SLMAP: variants seen among roughly 807,000 people sequenced by gnomAD.
SLMAP encodes sarcolemmal membrane-associated protein.
In SLMAP, 44 loss-of-function variants were observed where a neutral mutation model predicts 128.8. That is an observed-to-expected ratio of 0.34 (90% confidence interval 0.27 to 0.44). The LOEUF (loss-of-function observed/expected upper bound fraction) is 0.44. Among genes scored for constraint, SLMAP ranks in the 20% least tolerant of loss-of-function variants. SLMAP has a pLI of 1.00. For missense variants in SLMAP, 787 were observed against 985.3 expected (o/e 0.80, Z 2.69); for synonymous variants, 327 against 348.8 (o/e 0.94, Z 0.70).
chr3:57,830,419 G>A (rs2093261595), intron 2 of SLMAP, among the ~76,000 whole-genome samples: 1 of 152,212 alleles, frequency 6.6e-6, no homozygotes, highest in African/African-American at 2.4e-5. Context: ...TCCTTAGGAA[G>A]AAATTCAGCG....
Position 57,860,758 on chromosome 3 carries a change from C to T in SLMAP, c.747C>T (p.Asn249=), listed in dbSNP as rs919981664. 11 of 1,597,510 alleles carry T rather than the reference C, an allele frequency of 6.9e-6. No homozygotes were observed. The highest frequency in any genetic ancestry group is 3.6e-5 in the Admixed American group (2 of 55,552). ...TAGCATTACAAGAGGATAAACATAA[C>T]TATGAGACAACAGCCAAAGAGTCCC... The part of the protein sequence containing the change: ...ELIALQEDKH[N]YETTAKESLR... Residue 249 remains asparagine (N), a synonymous_variant, in exon 9 of 25, where the codon AAC becomes AAT. Coordinates refer to ENST00000671191, the MANE Select transcript of SLMAP (RefSeq NM_001377540.1).
Position 57,846,408 on chromosome 3 carries a change from G to A in SLMAP, c.420-789G>A, listed in dbSNP as rs146543275. ...GGCTGGGTAGAGAAGAGGAATAGTA[G>A]TGTTTTGATTAAAGTTGTTCTTCAC... On this transcript the variant is annotated intron_variant, in intron 4 of 24. Transcript: ENST00000671191. Among the ~76,000 whole-genome samples the A allele has an allele frequency of 2.5e-3, 387 of 152,246 alleles. 2 individuals are homozygous for A. The highest frequency in any genetic ancestry group is 8.5e-3 in the African/African-American group (354 of 41,550).
At chr3:57,848,202 T>C (rs554084163) in intron 5 of SLMAP, among the ~76,000 whole-genome samples, 1 of 150,724 alleles carries the variant, frequency 6.6e-6, no homozygotes, top group Non-Finnish European at 1.5e-5. Context: ...CTCCTCTTCT[T>C]TTCTTTCTTC....
intron 2 of SLMAP, among the ~76,000 whole-genome samples, chr3:57,764,918 A>C (rs2079374839): frequency 6.6e-6 from 1 of 152,266 alleles, no homozygotes. Context: ...AAAAAAGATA[A>C]GAGTATTAAA....
At chr3:57,887,245 T>C (rs2153644355) in intron 14 of SLMAP, among the ~76,000 whole-genome samples, 1 of 152,004 alleles carries the variant, frequency 6.6e-6, no homozygotes, top group Admixed American at 6.5e-5. Flanking sequence ...ATTTTTTTTT[T>C]TTTTTTTGAG....
chr3:57,866,843 C>CA (rs1404456283), intron 13 of SLMAP, among the ~76,000 whole-genome samples: 1 of 151,590 alleles, frequency 6.6e-6, no homozygotes, highest in Non-Finnish European at 1.5e-5. Flanking sequence ...GAGATCATGC[C>CA]ACTGCAGGCG....
intron 4 of SLMAP, among the ~76,000 whole-genome samples, chr3:57,842,745 G>A (rs559427432): frequency 7.2e-5 from 11 of 151,972 alleles, no homozygotes; most frequent in African/African-American, 2.7e-4. Flanking sequence ...TCTTCTCATT[G>A]TTTGTCTTTT....
At chr3:57,821,359 G>A (rs1219330523) in intron 2 of SLMAP, among the ~76,000 whole-genome samples, 1 of 152,076 alleles carries the variant, frequency 6.6e-6, no homozygotes, top group East Asian at 1.9e-4. Flanking sequence ...AGACGTTCGG[G>A]TAATATATTG....
chr3:57,844,163 C>T (rs1449369993), intron 4 of SLMAP, among the ~76,000 whole-genome samples: 1 of 151,884 alleles, frequency 6.6e-6, no homozygotes, highest in Non-Finnish European at 1.5e-5. Flanking sequence ...CACTCTGAGG[C>T]GGACAGATTG....
intron 14 of SLMAP, among the ~76,000 whole-genome samples, chr3:57,887,115 T>C (rs1271134301): frequency 6.6e-6 from 1 of 151,962 alleles, no homozygotes; most frequent in Non-Finnish European, 1.5e-5. Flanking sequence ...CACTGAGGAA[T>C]ATGAAATTTA....
intron 2 of SLMAP, among the ~76,000 whole-genome samples, chr3:57,797,501 T>C (rs1339632219): frequency 6.0e-5 from 9 of 150,400 alleles, no homozygotes; most frequent in Admixed American, 6.0e-4. Context: ...AAAAAAAAAG[T>C]ACGAGGCAGG....
chr3:57,831,569 A>G, intron 3 of SLMAP, 39 bp downstream of exon 3: 1 of 1,368,530 alleles, frequency 7.3e-7, no homozygotes, highest in Non-Finnish European at 9.7e-7. Flanking sequence ...CTTGTCTTTT[A>G]AAGGTTATTT....
chr3:57,899,377 T>C (rs569416108), intron 17 of SLMAP: 24 of 152,202 alleles, frequency 1.6e-4, no homozygotes, highest in Non-Finnish European at 2.4e-4. Flanking sequence ...TTGCTTCAGG[T>C]GCCATTGATG....
intron 13 of SLMAP, among the ~76,000 whole-genome samples, chr3:57,868,888 T>G (rs2095386639): frequency 7.3e-6 from 1 of 137,678 alleles, no homozygotes; most frequent in Admixed American, 8.0e-5. Flanking sequence ...ATATAATATA[T>G]ATTATATATA....
At chr3:57,810,045 G>A (rs377060465) in intron 2 of SLMAP, among the ~76,000 whole-genome samples, 7 of 152,272 alleles carry the variant, frequency 4.6e-5, no homozygotes, top group African/African-American at 1.7e-4. Flanking sequence ...CTCAGACCTG[G>A]AGCTCCCCAA....
chr3:57,783,157 C>A (rs2083397174), intron 2 of SLMAP, among the ~76,000 whole-genome samples: 1 of 152,094 alleles, frequency 6.6e-6, no homozygotes, highest in Non-Finnish European at 1.5e-5. Flanking sequence ...GAGGAGCAGG[C>A]TAGGAAAAGC....
At position 57,846,128 on chromosome 3, in the gene SLMAP, C is replaced by A. The variant is rs937350945; in HGVS notation, c.420-1069C>A. ...GTCCTGGGATTACAGGTGTGAGCCA[C>A]TGTGCCTGACTCGATTATCTCATTT... is the stretch of plus-strand genomic sequence containing the variant. On this transcript the variant is annotated intron_variant, in intron 4 of 24. Coordinates refer to ENST00000671191, the MANE Select transcript of SLMAP (RefSeq NM_001377540.1). Among the ~76,000 whole-genome samples the A allele has an allele frequency of 4.4e-4, 67 of 152,350 alleles. 1 individual carries two copies. Among genetic ancestry groups the A allele is most frequent in the African/African-American group, 1.5e-3 (61 of 41,594 alleles).
chr3:57,823,615 A>G (rs1306396711), intron 2 of SLMAP, among the ~76,000 whole-genome samples: 1 of 152,142 alleles, frequency 6.6e-6, no homozygotes, highest in Non-Finnish European at 1.5e-5. Context: ...AATCCAGTCT[A>G]TCATTGTTGG....
chr3:57,785,936 T>G (rs2083995125), intron 2 of SLMAP, among the ~76,000 whole-genome samples: 2 of 152,326 alleles, frequency 1.3e-5, no homozygotes, highest in African/African-American at 4.8e-5. Context: ...CAGCAAACAT[T>G]TATCAGTCTT....
Sources: allele counts gnomAD v4.1 joint callset (sites outside exome capture counted in the v4.1 genomes callset), GRCh38; gene constraint gnomAD v4.1.1; transcripts MANE v1.5; gene names NCBI Gene and HGNC (gene_info 2026-07-23, HGNC 2026-07-21).